TRIP12: variants seen among roughly 807,000 people sequenced by gnomAD.
TRIP12 encodes E3 ubiquitin-protein ligase TRIP12.
Under a neutral mutation model 244.2 loss-of-function variants are expected in TRIP12, and 25 were observed. That is an observed-to-expected ratio of 0.10 (90% CI 0.07 to 0.14). The LOEUF (loss-of-function observed/expected upper bound fraction) is 0.14. Among genes scored for constraint, TRIP12 ranks in the 10% least tolerant of loss-of-function variants. The pLI is 1.00. For missense variants in TRIP12, 1,677 were observed against 2,486.4 expected, an observed-to-expected ratio of 0.67 and a Z score of 6.92; for synonymous variants, 905 against 873.1, an observed-to-expected ratio of 1.04 and a Z score of -0.64.
At chr2:229,833,751 G>A (rs911804251) in intron 6 of TRIP12, among the ~76,000 whole-genome samples, 1 of 151,286 alleles carries the variant, frequency 6.6e-6, no homozygotes, top group African/African-American at 2.4e-5. Flanking sequence ...TGAGTTATGA[G>A]TTATCTAATT....
intron 1 of TRIP12, among the ~76,000 whole-genome samples, chr2:229,919,277 G>A (rs540779754): frequency 6.6e-6 from 1 of 152,058 alleles, no homozygotes. Context: ...TTAGCCGGGC[G>A]TGGTGGCGCG....
chr2:229,896,898 A>G (rs907667386), intron 1 of TRIP12, among the ~76,000 whole-genome samples: 2 of 152,224 alleles, frequency 1.3e-5, no homozygotes, highest in African/African-American at 2.4e-5. Context: ...TAATACTACA[A>G]TGGTAGCTGT....
chr2:229,915,307 T>C (rs1179567437), intron 1 of TRIP12, among the ~76,000 whole-genome samples: 1 of 152,182 alleles, frequency 6.6e-6, no homozygotes, highest in East Asian at 1.9e-4. Flanking sequence ...TACATGCACA[T>C]AATGGTCAAT....
chr2:229,799,206 CAGTTT>C, intron 22 of TRIP12, 72 bp downstream of exon 22: 1 of 1,543,014 alleles, frequency 6.5e-7, no homozygotes. Context: ...GAGCTACTGG[CAGTTT>C]TAATAAAGTA....
At chr2:229,860,107 T>A (rs1370069505) in intron 3 of TRIP12, among the ~76,000 whole-genome samples, 1 of 151,280 alleles carries the variant, frequency 6.6e-6, no homozygotes, top group African/African-American at 2.4e-5. Context: ...CAATAAAAAC[T>A]AAAAAAAAGA....
intron 2 of TRIP12, among the ~76,000 whole-genome samples, chr2:229,867,324 C>T (rs1157890608): frequency 1.3e-5 from 2 of 151,796 alleles, no homozygotes; most frequent in Non-Finnish European, 2.9e-5. Context: ...TGCCACCATG[C>T]CTGGCTAATT....
chr2:229,787,539 T>C lies in TRIP12; in HGVS notation c.4961A>G (p.Asp1654Gly). Reference protein sequence around the residue: ...NPEINQSDSQDSRVAPRLDRK... With the variant: ...NPEINQSDSQGSRVAPRLDRK... ...ATCCAATCTAGGTGCAACTCTGCTA[T>C]CTTGAGAATCAGACTGGTTGATTTC... is the stretch of plus-strand genomic sequence containing the variant. The change falls in exon 33 of 42, where the codon GAT becomes GGT. Residue 1654 changes from aspartate to glycine, a missense_variant. Around this residue, in one of 11 missense-constraint regions of TRIP12, gnomAD observed 30 missense variants for 64.7 expected, o/e 0.46. Transcript: ENST00000675903. The C allele has an allele frequency of 1.2e-6, 2 of 1,613,830 alleles. No homozygotes were observed. Among genetic ancestry groups the C allele is most frequent in the Non-Finnish European group, 1.7e-6 (2 of 1,179,884 alleles).
At chr2:229,888,977 T>C (rs1205115790) in intron 1 of TRIP12, among the ~76,000 whole-genome samples, 4 of 152,198 alleles carry the variant, frequency 2.6e-5, no homozygotes, top group Non-Finnish European at 5.9e-5. Flanking sequence ...TGTGTTTGCA[T>C]GGATATATGT....
At chr2:229,802,993 G>A (rs1001345353) in intron 20 of TRIP12, among the ~76,000 whole-genome samples, 9 of 152,128 alleles carry the variant, frequency 5.9e-5, no homozygotes, top group African/African-American at 9.7e-5. Flanking sequence ...TATCTGTCCC[G>A]GAATCATAGG....
chr2:229,804,868 C>T (rs1239761317), intron 18 of TRIP12, among the ~76,000 whole-genome samples: 1 of 151,858 alleles, frequency 6.6e-6, no homozygotes, highest in Non-Finnish European at 1.5e-5. Flanking sequence ...ACCTGCAACA[C>T]TTATATTATT....
At position 229,807,716 on chromosome 2, in the gene TRIP12, T is replaced by C; in HGVS notation, c.2488A>G (p.Ile830Val). The change falls in exon 17 of 42, where the codon ATC becomes GTC. Residue 830 changes from isoleucine to valine, a missense_variant. This residue lies in a region of TRIP12 where 572 missense variants were observed against 867.8 expected (regional missense o/e 0.66). Transcript: ENST00000675903. ...WHPYNRIDSRIIEAAHQVGED... is the reference protein window; with the variant it reads ...WHPYNRIDSRVIEAAHQVGED... ...TACGATGAAACTACTACCTCAATGA[T>C]CCGGCTGTCAATCCTGTTATATGGA... The C allele has an allele frequency of 6.2e-7, 1 of 1,614,178 alleles. No individual in the cohort carries two copies. Among genetic ancestry groups the C allele is most frequent in the Non-Finnish European group, 8.5e-7 (1 of 1,180,032 alleles).
intron 2 of TRIP12, among the ~76,000 whole-genome samples, chr2:229,871,955 ATGT>A (rs1278672209): frequency 6.6e-6 from 1 of 152,036 alleles, no homozygotes; most frequent in Non-Finnish European, 1.5e-5. Context: ...GACAGTGAGA[ATGT>A]TCAGGTGTGG....
At chr2:229,818,191 G>GC (rs2048986410) in intron 9 of TRIP12, among the ~76,000 whole-genome samples, 173 bp downstream of exon 9, 1 of 152,186 alleles carries the variant, frequency 6.6e-6, no homozygotes, top group Non-Finnish European at 1.5e-5. Context: ...TAACTCATTA[G>GC]CAATTGCTCA....
In TRIP12 at chr2:229,792,137, G is replaced by C. The variant is rs1375597537; in HGVS notation, c.4215+16C>G. 9.3e-6 allele frequency: 15 copies of C among 1,613,870 alleles called. No individual in the cohort carries two copies. Among genetic ancestry groups the C allele is most frequent in the Non-Finnish European group, 1.3e-5 (15 of 1,179,966 alleles). On this transcript the variant is annotated intron_variant, in intron 28 of 41. Transcript: ENST00000675903. Reference sequence around the variant, plus strand: ...TTATATAGTACATTATACATGGTGGGAATATAGTACCTTACCAGAGACTCA... The same window carrying C: ...TTATATAGTACATTATACATGGTGGCAATATAGTACCTTACCAGAGACTCA...
intron 4 of TRIP12, among the ~76,000 whole-genome samples, chr2:229,853,276 G>A (rs2059039265): frequency 1.3e-5 from 2 of 152,106 alleles, no homozygotes; most frequent in South Asian, 4.1e-4. Flanking sequence ...ATAATTTTTA[G>A]ATTTTTATTC....
chr2:229,798,427 C>T (rs1256306540), intron 23 of TRIP12, among the ~76,000 whole-genome samples: 2 of 149,158 alleles, frequency 1.3e-5, no homozygotes, highest in Non-Finnish European at 3.0e-5. Context: ...TGGTATGCTA[C>T]ATGCAGAACC....
At chr2:229,906,395 A>C (rs951343768) in intron 1 of TRIP12, among the ~76,000 whole-genome samples, 4 of 151,808 alleles carry the variant, frequency 2.6e-5, no homozygotes, top group African/African-American at 7.2e-5. Flanking sequence ...TCTGAAAAAA[A>C]AAAAATAAAT....
intron 7 of TRIP12, 137 bp from the exon 8 acceptor site, chr2:229,829,425 A>G: frequency 1.5e-6 from 1 of 648,606 alleles, no homozygotes; most frequent in Non-Finnish European, 2.6e-6. Flanking sequence ...TTTTAAGAGA[A>G]GCTACAAACT....
chr2:229,804,287 T>A (rs1222141014), intron 18 of TRIP12, 60 bp from the exon 19 acceptor site: 2 of 1,384,774 alleles, frequency 1.4e-6, no homozygotes, highest in Non-Finnish European at 9.9e-7. Flanking sequence ...AGAAACACAA[T>A]AAACAATATA....
Sources: gnomAD v4.1 joint callset for allele counts (sites outside exome capture counted in the v4.1 genomes callset) on GRCh38, gnomAD v4.1.1 for gene constraint, gnomAD v4.1.1 regional missense constraint, MANE v1.5 for transcripts, NCBI Gene and HGNC (gene_info 2026-07-23, HGNC 2026-07-21) for gene names.